IGF2: variants seen among roughly 807,000 people sequenced by gnomAD.
The protein encoded by IGF2 is insulin like growth factor 2.
In IGF2, 2 loss-of-function variants were observed where a neutral mutation model predicts 12.0. The observed-to-expected ratio is 0.17, with a 90% CI of 0.07 to 0.52. The LOEUF is 0.52. Ranked by LOEUF, IGF2 falls within the 20% of genes least tolerant of loss-of-function variation. The pLI is 0.95. For synonymous variants in IGF2, 105 were observed against 110.1 expected, an observed-to-expected ratio of 0.95 and a Z score of 0.29; for missense variants, 211 against 268.0, an observed-to-expected ratio of 0.79 and a Z score of 1.48.
chr11:2,143,186 G>A (rs1032402394), upstream of IGF2, among the ~76,000 whole-genome samples: 5 of 152,144 alleles, frequency 3.3e-5, no homozygotes, highest in African/African-American at 1.2e-4. Flanking sequence ...GGAAGGTATG[G>A]GAAGCAATTT....
chr11:2,130,259 AC>A lies in IGF2; in HGVS notation c.*2727del, dbSNP rs1357877607. 171 of 223,178 alleles carry A rather than the reference AC, an allele frequency of 7.7e-4. No homozygotes were observed. Among genetic ancestry groups the A allele is most frequent in the Middle Eastern group, 1.3e-3 (1 of 742 alleles). 13.8% of individuals were successfully genotyped at this position (223,178 alleles called of 1,614,324 possible). ...CTGACACCTGAGGAGACCCTGCCCA[AC>A]CCCCCCCTCCGCCCTCAGGACTTCT... On this transcript the variant is annotated 3_prime_UTR_variant, in exon 4 of 4. Transcript: ENST00000416167.
At position 2,138,516 on chromosome 11, in the gene IGF2, G is replaced by A; in HGVS notation, c.-294C>T. On this transcript the variant is annotated 5_prime_UTR_variant, in exon 1 of 4. Transcript: ENST00000416167. ...AAATGAGGTCAGCTGTTGTATCAAGGATAGAGGGGGGCAGAGATAGTGGGA... is the reference window on the plus strand; with the variant it reads ...AAATGAGGTCAGCTGTTGTATCAAGAATAGAGGGGGGCAGAGATAGTGGGA... 1 of 830,946 alleles carries A rather than the reference G, an allele frequency of 1.2e-6. No individual in the cohort carries two copies. Among genetic ancestry groups the A allele is most frequent in the South Asian group, 5.8e-5 (1 of 17,282 alleles). The allele number at this position is 830,946 out of a possible 1,614,324, so 51.5% of individuals were successfully genotyped here. A position where few individuals can be genotyped will look rare whatever the true frequency, so the allele number is the denominator to read the frequency against.
chr11:2,144,731 C>T (rs1859811106), upstream of IGF2, among the ~76,000 whole-genome samples: 1 of 131,590 alleles, frequency 7.6e-6, no homozygotes, highest in Non-Finnish European at 1.6e-5. Flanking sequence ...TGGGCAATGT[C>T]GGGCGATGGG....
upstream of IGF2, among the ~76,000 whole-genome samples, chr11:2,145,944 CG>C (rs1170463854): frequency 6.6e-6 from 1 of 152,064 alleles, no homozygotes; most frequent in African/African-American, 2.4e-5. Flanking sequence ...GGAAGGGTCC[CG>C]CCAGCAGTCC....
At chr11:2,140,327 C>T (rs370448069), upstream of IGF2, 16 of 1,597,122 alleles carry the variant, frequency 1.0e-5, no homozygotes, top group African/African-American at 2.0e-4. Flanking sequence ...TGTAAGAAAG[C>T]ACTGTGATTT....
chr11:2,139,672 C>A (rs1234968306), upstream of IGF2, among the ~76,000 whole-genome samples: 2 of 151,160 alleles, frequency 1.3e-5, no homozygotes, highest in Non-Finnish European at 2.9e-5. Flanking sequence ...ATGCTGAATG[C>A]CCGTTCTAGA....
At chr11:2,145,374 C>T (rs1201494287), upstream of IGF2, among the ~76,000 whole-genome samples, 2 of 152,248 alleles carry the variant, frequency 1.3e-5, no homozygotes, top group Non-Finnish European at 2.9e-5. Context: ...AGGCTCCCGT[C>T]ATGGACAAAA....
chr11:2,147,881 G>A, the IGF2 span: 1 of 1,091,036 alleles, frequency 9.2e-7, no homozygotes, highest in Non-Finnish European at 1.2e-6. The surrounding 1 kb of genome is among the most constrained non-coding windows in gnomAD (Gnocchi z 7.2). Context: ...TACACCCCAA[G>A]CCTGAGCCCT....
At chr11:2,141,838 A>G (rs1859617721), upstream of IGF2, among the ~76,000 whole-genome samples, 1 of 152,268 alleles carries the variant, frequency 6.6e-6, no homozygotes, top group African/African-American at 2.4e-5. Flanking sequence ...AAAATAAAAA[A>G]TAAAAAAATA....
intron 2 of IGF2, among the ~76,000 whole-genome samples, chr11:2,134,866 C>T (rs1024657672): frequency 1.3e-5 from 2 of 152,162 alleles, no homozygotes; most frequent in African/African-American, 2.4e-5. Flanking sequence ...CCCAAGGAGG[C>T]GCATGCACCG....
rs918327811 is a variant in IGF2 at position 2,132,532 on chromosome 11, A to C, written c.*455T>G. On this transcript the variant is annotated 3_prime_UTR_variant, in exon 4 of 4. Coordinates refer to ENST00000416167, the MANE Select transcript of IGF2 (RefSeq NM_000612.6). ...TATTTTGCCAATTGTTTCTCAGCCA[A>C]TTCGTTTTTAATACTTTTTTTTTTT... 2 of 205,310 alleles carry C rather than the reference A, an allele frequency of 9.7e-6. No individual in the cohort carries two copies. Among genetic ancestry groups the C allele is most frequent in the Non-Finnish European group, 2.0e-5 (2 of 101,426 alleles). The allele number at this position is 205,310 out of a possible 1,614,324, so 12.7% of individuals were successfully genotyped here.
At position 2,138,400 on chromosome 11, in the gene IGF2, G is replaced by A. The variant is rs1421856980; in HGVS notation, c.-178C>T. On this transcript the variant is annotated 5_prime_UTR_variant, in exon 1 of 4. Coordinates refer to ENST00000416167, the MANE Select transcript of IGF2 (RefSeq NM_000612.6). ...GATGGCTTTTTTTTGGGGGGGGGGG[G>A]AGAATTCGTCTGATTGTCCAGGGAG... is the stretch of plus-strand genomic sequence containing the variant. 1,415 of 296,574 alleles carry A rather than the reference G, an allele frequency of 4.8e-3. 32 individuals carry two copies. Among genetic ancestry groups the A allele is most frequent in the African/African-American group, 0.032 (1,306 of 40,796 alleles). 18.4% of individuals were successfully genotyped at this position (296,574 alleles called of 1,614,324 possible). A position where few individuals can be genotyped will look rare whatever the true frequency, so the allele number is the denominator to read the frequency against.
upstream of IGF2, among the ~76,000 whole-genome samples, chr11:2,144,763 G>A (rs1279635910): frequency 6.6e-6 from 1 of 151,942 alleles, no homozygotes; most frequent in Non-Finnish European, 1.5e-5. Context: ...AAGGGGACCT[G>A]TGGGGTGGGT....
At position 2,130,372 on chromosome 11, in the gene IGF2, G is replaced by A; in HGVS notation, c.*2615C>T. 4.4e-6 allele frequency: 1 copy of A among 228,592 alleles called. No individual in the cohort carries two copies. Among genetic ancestry groups the A allele is most frequent in the African/African-American group, 2.2e-5 (1 of 45,014 alleles). 14.2% of individuals were successfully genotyped at this position (228,592 alleles called of 1,614,324 possible). A position where few individuals can be genotyped will look rare whatever the true frequency, so the allele number is the denominator to read the frequency against. ...CTTCTCCAAGGGGGCTCAGTGGCCA[G>A]TGCCCCCCAGGAGGCTCCACCCTCA... On this transcript the variant is annotated 3_prime_UTR_variant, in exon 4 of 4. Coordinates refer to ENST00000416167, the MANE Select transcript of IGF2 (RefSeq NM_000612.6).
At chr11:2,136,221 C>T (rs1859035856) in intron 1 of IGF2, among the ~76,000 whole-genome samples, 1 of 152,224 alleles carries the variant, frequency 6.6e-6, no homozygotes, top group South Asian at 2.1e-4. Flanking sequence ...TTTTCCCAGT[C>T]ACCCAGTTCT....
chr11:2,134,654 C>A (rs1393234410), intron 2 of IGF2, among the ~76,000 whole-genome samples: 1 of 152,188 alleles, frequency 6.6e-6, no homozygotes, highest in Non-Finnish European at 1.5e-5. Flanking sequence ...AGCGGCCCCT[C>A]CCCTGCCCCA....
the IGF2 span, chr11:2,149,393 C>T: frequency 6.6e-7 from 1 of 1,511,400 alleles, no homozygotes; most frequent in Non-Finnish European, 9.1e-7. Flanking sequence ...AATACGGCCC[C>T]TACAGATGGG....
At chr11:2,147,633 T>C in the IGF2 span, 1 of 1,242,468 alleles carries the variant, frequency 8.0e-7, no homozygotes, top group Admixed American at 4.2e-5. This position sits in a 1 kb window ranked among gnomAD's most constrained non-coding sequence, Gnocchi z 7.2. Flanking sequence ...AGCGCTGGGG[T>C]CGCCTGGGCC....
chr11:2,145,466 C>T (rs1174008386), upstream of IGF2, among the ~76,000 whole-genome samples: 3 of 152,220 alleles, frequency 2.0e-5, no homozygotes, highest in Admixed American at 6.5e-5. Flanking sequence ...GGTTGGGCAT[C>T]GGGGGTGAGC....
Sources: allele counts gnomAD v4.1 joint callset (sites outside exome capture counted in the v4.1 genomes callset), GRCh38; gene constraint gnomAD v4.1.1; non-coding constraint Gnocchi (gnomAD v3.1); transcripts MANE v1.5; gene names NCBI Gene and HGNC (gene_info 2026-07-23, HGNC 2026-07-21).